Variants in CHEK1 observed in about 807,000 individuals in gnomAD.
The protein encoded by CHEK1 is serine/threonine-protein kinase Chk1.
Under a neutral mutation model 60.2 loss-of-function variants are expected in CHEK1, and 32 were observed. The observed-to-expected ratio is 0.53, with a 90% CI of 0.40 to 0.71. The LOEUF (loss-of-function observed/expected upper bound fraction) is 0.71. Ranked by LOEUF, CHEK1 falls within the 30% of genes least tolerant of loss-of-function variation. The pLI is 0.00. For missense variants in CHEK1, 399 were observed against 564.6 expected (o/e 0.71, Z 2.97); for synonymous variants, 179 against 187.2 (o/e 0.96, Z 0.36).
chr11:125,640,734 T>TAATTTTTG (rs1465285941), intron 8 of CHEK1, among the ~76,000 whole-genome samples: 1 of 152,140 alleles, frequency 6.6e-6, no homozygotes, highest in East Asian at 2.0e-4. Flanking sequence ...TATGCCCGGC[T>TAATTTTTG]AATTTTTGTA....
intron 13 of CHEK1, among the ~76,000 whole-genome samples, chr11:125,674,506 G>A (rs1565394014): frequency 6.6e-6 from 1 of 152,200 alleles, no homozygotes; most frequent in East Asian, 1.9e-4. Context: ...TAAGTGTAGA[G>A]TGTAAACAGG....
intron 1 of CHEK1, 131 bp from the exon 2 acceptor site, chr11:125,626,618 A>G (rs1940624355): frequency 4.1e-6 from 3 of 727,186 alleles, no homozygotes; most frequent in Middle Eastern, 5.9e-4. Flanking sequence ...GACTTGGATA[A>G]ATGTGGATGA....
At chr11:125,646,738 T>C (rs1941522074) in intron 11 of CHEK1, among the ~76,000 whole-genome samples, 1 of 152,204 alleles carries the variant, frequency 6.6e-6, no homozygotes, top group Non-Finnish European at 1.5e-5. Context: ...TTGAGCATAT[T>C]CTTATATGCT....
intron 13 of CHEK1, among the ~76,000 whole-genome samples, chr11:125,673,621 C>T (rs1268156003): frequency 7.2e-5 from 11 of 152,188 alleles, no homozygotes. Flanking sequence ...TACCAACTAA[C>T]CGATGATCAC....
intron 7 of CHEK1, chr11:125,636,104 C>T (rs1941064607): frequency 6.6e-6 from 1 of 152,062 alleles, no homozygotes; most frequent in Admixed American, 6.5e-5. Flanking sequence ...TCTAATGGGA[C>T]TGTCTGTTAT....
At chr11:125,643,951 G>A in intron 9 of CHEK1, 51 bp downstream of exon 9, 1 of 1,547,324 alleles carries the variant, frequency 6.5e-7, no homozygotes, top group East Asian at 2.2e-5. Context: ...TCCCCATGAA[G>A]AATAATACAT....
chr11:125,679,940 T>C (rs571548639), downstream of CHEK1, among the ~76,000 whole-genome samples: 1 of 152,356 alleles, frequency 6.6e-6, no homozygotes, highest in African/African-American at 2.4e-5. Flanking sequence ...ACACAAGTTT[T>C]GATAAAGAGA....
intron 2 of CHEK1, 80 bp downstream of exon 2, chr11:125,626,913 G>C: frequency 1.4e-6 from 2 of 1,457,736 alleles, no homozygotes; most frequent in East Asian, 4.6e-5. Flanking sequence ...GATTTAGAAA[G>C]TAGATGTTTG....
rs190426745 is a variant in CHEK1, at chr11:125,666,081, T to A, written c.*28-9847T>A. ...GGTTCTTTGTTTTAGTTCCTTGAGG[T>A]GCATTTTTAGGTTGTTTATTTTTTT... On this transcript the variant is annotated intron_variant, in intron 13 of 13. Transcript: ENST00000428830. 3.3e-5 allele frequency among the ~76,000 whole-genome samples: 5 copies of A among 151,614 alleles called. No homozygotes were observed. In the East Asian group the frequency reaches 9.6e-4, roughly 29 times the overall value.
downstream of CHEK1, chr11:125,678,196 C>T: frequency 6.2e-7 from 1 of 1,614,172 alleles, no homozygotes; most frequent in Non-Finnish European, 8.5e-7. Flanking sequence ...AAAGCCTCAG[C>T]ATCAGAAGGG....
intron 6 of CHEK1, 27 bp from the exon 7 acceptor site, chr11:125,635,402 A>C (rs1207569611): frequency 7.3e-7 from 1 of 1,370,432 alleles, no homozygotes; most frequent in South Asian, 1.3e-5. Context: ...GAACATTTAA[A>C]AAAACTGGGA....
chr11:125,671,533 T>A (rs1001337152), intron 13 of CHEK1: 1 of 152,192 alleles, frequency 6.6e-6, no homozygotes, highest in African/African-American at 2.4e-5. Flanking sequence ...ATGATGTGTA[T>A]ATATGTTGAA....
At chr11:125,662,170 A>G (rs1942029454) in intron 13 of CHEK1, among the ~76,000 whole-genome samples, 1 of 152,236 alleles carries the variant, frequency 6.6e-6, no homozygotes. Flanking sequence ...CTTATAAACA[A>G]CAAACATCTA....
intron 1 of CHEK1, chr11:125,626,377 C>T (rs1940605028): frequency 6.9e-6 from 3 of 434,948 alleles, no homozygotes; most frequent in Non-Finnish European, 1.2e-5. Context: ...GCGTTTTCTG[C>T]CCCATACCGC....
intron 3 of CHEK1, among the ~76,000 whole-genome samples, chr11:125,628,918 G>A (rs2135976431): frequency 6.6e-6 from 1 of 152,282 alleles, no homozygotes; most frequent in Middle Eastern, 3.4e-3. Context: ...AGAAGAAATG[G>A]GGGGAATTTC....
Position 125,625,674 on chromosome 11 carries a change from C to A in CHEK1, c.-359C>A, listed in dbSNP as rs1304840090. 11 of 611,022 alleles carry A rather than the reference C, an allele frequency of 1.8e-5. No homozygotes were observed. Among genetic ancestry groups the A allele is most frequent in the Non-Finnish European group, 3.3e-5 (11 of 338,092 alleles). 37.9% of individuals were successfully genotyped at this position (611,022 alleles called of 1,614,324 possible). ...CGCCCCTGAGGCTTGGAGGCCTGGG[C>A]TTCCCCCAGCAGCGCTCGAGCACCG... On this transcript the variant is annotated 5_prime_UTR_variant, in exon 1 of 13. Transcript: ENST00000438015.
chr11:125,644,385 T>C, intron 10 of CHEK1, 117 bp downstream of exon 10: 1 of 1,459,096 alleles, frequency 6.9e-7, no homozygotes, highest in Non-Finnish European at 9.2e-7. Flanking sequence ...GTATTCTTTT[T>C]TGGTCAAGGA....
chr11:125,658,377 T>A (rs1941955570), downstream of CHEK1, among the ~76,000 whole-genome samples: 1 of 152,240 alleles, frequency 6.6e-6, no homozygotes, highest in Non-Finnish European at 1.5e-5. Context: ...GAGCATTTTA[T>A]GACATGCCTG....
At chr11:125,680,791 G>A (rs1942763386), downstream of CHEK1, 1 of 1,612,922 alleles carries the variant, frequency 6.2e-7, no homozygotes, top group African/African-American at 1.3e-5. Context: ...CTGGATTTAG[G>A]AAAAGAGGGG....
Sources: allele counts gnomAD v4.1 joint callset (sites outside exome capture counted in the v4.1 genomes callset), GRCh38; gene constraint gnomAD v4.1.1; transcripts MANE v1.5; gene names NCBI Gene and HGNC (gene_info 2026-07-23, HGNC 2026-07-21).